Variants in CCDC192 observed in about 807,000 individuals in gnomAD.
CCDC192 encodes coiled-coil domain-containing protein 192.
intron 6 of CCDC192, among the ~76,000 whole-genome samples, chr5:127,930,207 TTAAAC>T (rs36226054): frequency 0.53 from 78,791 of 148,894 alleles, 20,871 homozygotes; most frequent in East Asian, 0.65. Context: ...TCTTCTCAAA[TTAAAC>T]TAAACTAAAC....
intron 5 of CCDC192, among the ~76,000 whole-genome samples, chr5:127,861,290 G>A (rs2127104828): frequency 6.6e-6 from 1 of 151,420 alleles, no homozygotes; most frequent in South Asian, 2.1e-4. Flanking sequence ...TTATAGGCAT[G>A]AGCCACCGTG....
chr5:127,848,128 G>A (rs1406746780), intron 5 of CCDC192, among the ~76,000 whole-genome samples: 1 of 152,014 alleles, frequency 6.6e-6, no homozygotes, highest in Admixed American at 6.5e-5. Flanking sequence ...AGTGGCTACA[G>A]TTTTCTTATC....
At chr5:127,862,580 C>T (rs776037589) in intron 5 of CCDC192, among the ~76,000 whole-genome samples, 4 of 152,148 alleles carry the variant, frequency 2.6e-5, no homozygotes, top group Non-Finnish European at 4.4e-5. Context: ...CTAGAGCATG[C>T]GTATTTTTAA....
At chr5:127,797,762 TA>T (rs1561494161) in intron 4 of CCDC192, among the ~76,000 whole-genome samples, 3,647 of 26,804 alleles carry the variant, frequency 0.14, 229 homozygotes, top group African/African-American at 0.21. Flanking sequence ...TATATATATA[TA>T]TATATATATA....
intron 6 of CCDC192, among the ~76,000 whole-genome samples, chr5:127,903,321 C>T (rs567529891): frequency 6.6e-6 from 1 of 151,768 alleles, no homozygotes; most frequent in Non-Finnish European, 1.5e-5. Context: ...CGGCACACTG[C>T]AACCTCTGCC....
At chr5:127,809,459 A>G (rs914465816) in intron 5 of CCDC192, among the ~76,000 whole-genome samples, 1 of 152,126 alleles carries the variant, frequency 6.6e-6, no homozygotes. Context: ...GCTACCATTC[A>G]TTTCTGTTGA....
intron 5 of CCDC192, among the ~76,000 whole-genome samples, chr5:127,806,867 T>C (rs935562243): frequency 1.3e-5 from 2 of 152,176 alleles, no homozygotes; most frequent in African/African-American, 4.8e-5. Flanking sequence ...CTCTCCATTA[T>C]AGAGAGCAGA....
intron 5 of CCDC192, among the ~76,000 whole-genome samples, chr5:127,849,187 A>C (rs563704328): frequency 2.6e-5 from 4 of 152,278 alleles, no homozygotes; most frequent in African/African-American, 9.6e-5. Flanking sequence ...CTGAGGTCGC[A>C]TGCCACTGCA....
intron 2 of CCDC192, chr5:127,739,804 G>C (rs376150200): frequency 6.5e-6 from 1 of 153,074 alleles, no homozygotes; most frequent in Non-Finnish European, 1.5e-5. Context: ...CATGGTGTGC[G>C]CACCCACTGA....
chr5:127,935,105 T>C (rs1038169689), intron 6 of CCDC192: 1 of 152,098 alleles, frequency 6.6e-6, no homozygotes, highest in Non-Finnish European at 1.5e-5. Flanking sequence ...CCTTCATGAG[T>C]GAGTACCCAG....
chr5:127,773,346 C>T (rs971630713), intron 3 of CCDC192, among the ~76,000 whole-genome samples: 2 of 152,060 alleles, frequency 1.3e-5, no homozygotes, highest in African/African-American at 4.8e-5. Context: ...TAGTGCATTC[C>T]CAATATTGTG....
At chr5:127,718,766 T>G (rs570202676) in intron 2 of CCDC192, among the ~76,000 whole-genome samples, 226 of 152,292 alleles carry the variant, frequency 1.5e-3, no homozygotes, top group African/African-American at 5.1e-3. Context: ...TTAATTGTTA[T>G]GGGTACACAG....
chr5:127,764,036 T>C (rs1471136921), intron 3 of CCDC192, among the ~76,000 whole-genome samples: 6 of 152,192 alleles, frequency 3.9e-5, no homozygotes, highest in Admixed American at 3.9e-4. Flanking sequence ...CACTATACCA[T>C]ATAACACATG....
chr5:127,897,715 T>C (rs966391278), intron 6 of CCDC192, among the ~76,000 whole-genome samples: 1 of 152,230 alleles, frequency 6.6e-6, no homozygotes, highest in African/African-American at 2.4e-5. Flanking sequence ...CATTTTTTTT[T>C]CTTTTAAAAT....
intron 5 of CCDC192, among the ~76,000 whole-genome samples, chr5:127,822,407 A>C (rs1749333899): frequency 6.6e-6 from 1 of 152,248 alleles, no homozygotes; most frequent in Non-Finnish European, 1.5e-5. Context: ...AGGACATAGC[A>C]GTAAGCAAAA....
chr5:127,703,675 C>T (rs1487010385), intron 1 of CCDC192, among the ~76,000 whole-genome samples, 168 bp downstream of exon 1: 2 of 152,202 alleles, frequency 1.3e-5, no homozygotes, highest in African/African-American at 4.8e-5. Flanking sequence ...AAGCTGCTGT[C>T]TTCCCAGATC....
At chr5:127,836,062 C>T (rs922989546) in intron 5 of CCDC192, among the ~76,000 whole-genome samples, 4 of 152,166 alleles carry the variant, frequency 2.6e-5, no homozygotes, top group African/African-American at 9.6e-5. Context: ...CCTGTAAAAT[C>T]AAAAGCAAGT....
chr5:127,898,714 G>A (rs1752961875), intron 6 of CCDC192, among the ~76,000 whole-genome samples: 1 of 152,110 alleles, frequency 6.6e-6, no homozygotes, highest in Admixed American at 6.6e-5. Context: ...TCCCATCCCT[G>A]CATGGTACCC....
intron 5 of CCDC192, among the ~76,000 whole-genome samples, chr5:127,829,009 G>A (rs1401100776): frequency 1.3e-5 from 2 of 152,142 alleles, no homozygotes; most frequent in Non-Finnish European, 2.9e-5. Context: ...GCAGATATTG[G>A]CTCTCCTTTG....
Sources: gnomAD v4.1 joint callset for allele counts (sites outside exome capture counted in the v4.1 genomes callset) on GRCh38, gnomAD v4.1.1 for gene constraint, MANE v1.5 for transcripts, NCBI Gene and HGNC (gene_info 2026-07-23, HGNC 2026-07-21) for gene names.